The following LUZP2 variants were observed in gnomAD, a reference collection of about 807,000 sequenced individuals.
The protein encoded by LUZP2 is leucine zipper protein 2.
In LUZP2, 52 loss-of-function variants were observed where a neutral mutation model predicts 51.6. That is an observed-to-expected ratio of 1.01 (90% CI 0.81 to 1.27). The LOEUF (loss-of-function observed/expected upper bound fraction) is 1.27. Ranked by LOEUF, LUZP2 falls within the 50% of genes most tolerant of loss-of-function variation. LUZP2 has a pLI of 0.00. For missense variants in LUZP2, 436 were observed against 395.4 expected, an observed-to-expected ratio of 1.10 and a Z score of -0.87; for synonymous variants, 154 against 137.3, an observed-to-expected ratio of 1.12 and a Z score of -0.85.
intron 8 of LUZP2, 131 bp from the exon 9 acceptor site, chr11:24,982,995 A>G (rs1856080481): frequency 1.3e-6 from 1 of 797,392 alleles, no homozygotes; most frequent in Non-Finnish European, 2.0e-6. Context: ...AAATTTATAA[A>G]TTAGGCAATT....
At chr11:24,686,264 G>T (rs1277811873) in intron 1 of LUZP2, among the ~76,000 whole-genome samples, 1 of 150,920 alleles carries the variant, frequency 6.6e-6, no homozygotes, top group Non-Finnish European at 1.5e-5. Context: ...TTTATCATTT[G>T]TAGTGGATTG....
intron 1 of LUZP2, among the ~76,000 whole-genome samples, chr11:24,568,924 T>A (rs1462642916): frequency 6.6e-6 from 1 of 151,986 alleles, no homozygotes; most frequent in Non-Finnish European, 1.5e-5. Flanking sequence ...ATGACAGCCA[T>A]AATTAGAATT....
intron 7 of LUZP2, among the ~76,000 whole-genome samples, chr11:24,946,604 C>T (rs931273524): frequency 6.6e-6 from 1 of 151,738 alleles, no homozygotes; most frequent in Admixed American, 6.6e-5. Context: ...AAATCTTATA[C>T]CTATATAGCT....
chr11:24,617,298 A>T (rs557517540), intron 1 of LUZP2, among the ~76,000 whole-genome samples: 6 of 151,720 alleles, frequency 4.0e-5, no homozygotes, highest in East Asian at 3.9e-4. Flanking sequence ...ATTTTTAGTT[A>T]AAAAAATCCA....
intron 1 of LUZP2, 56 bp downstream of exon 1, chr11:24,497,361 G>C: frequency 7.3e-7 from 1 of 1,369,916 alleles, no homozygotes; most frequent in Non-Finnish European, 9.7e-7. Context: ...GGCGAGGTTG[G>C]TCCTACTGTG....
intron 1 of LUZP2, among the ~76,000 whole-genome samples, chr11:24,592,604 T>C (rs1463990678): frequency 6.6e-6 from 1 of 152,064 alleles, no homozygotes; most frequent in Non-Finnish European, 1.5e-5. Flanking sequence ...TCGAATAGTC[T>C]TCTGAATGCT....
At chr11:24,973,922 G>A (rs1855817299) in intron 7 of LUZP2, among the ~76,000 whole-genome samples, 1 of 152,034 alleles carries the variant, frequency 6.6e-6, no homozygotes, top group Non-Finnish European at 1.5e-5. Context: ...GTTTTTTAAT[G>A]GAGAGTTCTG....
intron 5 of LUZP2, among the ~76,000 whole-genome samples, chr11:24,852,364 C>T (rs1040570617): frequency 1.7e-4 from 26 of 152,124 alleles, no homozygotes; most frequent in African/African-American, 6.3e-4. Context: ...TCATTATTTA[C>T]CCAGTAGTCA....
intron 7 of LUZP2, among the ~76,000 whole-genome samples, chr11:24,945,143 A>G (rs1854863725): frequency 1.3e-5 from 2 of 152,162 alleles, no homozygotes; most frequent in Non-Finnish European, 2.9e-5. Context: ...TGCCAGTTCC[A>G]GAGATTAGCA....
chr11:25,076,642 G>A (rs1228023647), intron 10 of LUZP2, among the ~76,000 whole-genome samples: 1 of 142,286 alleles, frequency 7.0e-6, no homozygotes, highest in African/African-American at 2.6e-5. Flanking sequence ...AAGGGAAAAA[G>A]AGGGAAGGAA....
chr11:24,806,159 G>A (rs987587128), intron 5 of LUZP2, among the ~76,000 whole-genome samples: 6 of 152,186 alleles, frequency 3.9e-5, no homozygotes, highest in African/African-American at 1.2e-4. Flanking sequence ...AGGTTACACT[G>A]CAGGACTTTT....
chr11:24,677,894 G>T (rs974868001), intron 1 of LUZP2, among the ~76,000 whole-genome samples: 1 of 151,910 alleles, frequency 6.6e-6, no homozygotes, highest in Admixed American at 6.6e-5. Flanking sequence ...AAAATTAGCC[G>T]GGCATGGTGG....
chr11:24,566,848 A>G (rs1466524872), intron 1 of LUZP2, among the ~76,000 whole-genome samples: 1 of 144,724 alleles, frequency 6.9e-6, no homozygotes, highest in Non-Finnish European at 1.5e-5. Flanking sequence ...TAAGGTATAT[A>G]TACATATATA....
chr11:24,864,203 C>T (rs1851820149), intron 5 of LUZP2, among the ~76,000 whole-genome samples: 1 of 152,010 alleles, frequency 6.6e-6, no homozygotes, highest in Non-Finnish European at 1.5e-5. Flanking sequence ...TACACTAAGC[C>T]TGATACACAC....
intron 1 of LUZP2, among the ~76,000 whole-genome samples, chr11:24,581,482 C>G (rs1852851658): frequency 6.6e-6 from 1 of 151,856 alleles, no homozygotes; most frequent in Non-Finnish European, 1.5e-5. Flanking sequence ...ATCAGGCTCT[C>G]CAACATGGCG....
At chr11:24,882,779 G>GA (rs1852514396) in intron 5 of LUZP2, among the ~76,000 whole-genome samples, 1 of 37,716 alleles carries the variant, frequency 2.7e-5, no homozygotes, top group South Asian at 1.1e-3. Flanking sequence ...TGCAACGGGA[G>GA]AAGGAAGAAA....
At chr11:24,897,341 T>C (rs545608467) in intron 5 of LUZP2, among the ~76,000 whole-genome samples, 4 of 152,332 alleles carry the variant, frequency 2.6e-5, no homozygotes, top group Admixed American at 6.5e-5. Context: ...GAAGCTTTGT[T>C]GTTTTGCTCT....
chr11:24,801,470 T>C (rs1022266210), intron 5 of LUZP2, among the ~76,000 whole-genome samples: 2 of 152,020 alleles, frequency 1.3e-5, no homozygotes, highest in Non-Finnish European at 2.9e-5. Flanking sequence ...ATGAATACTA[T>C]AATATTATGA....
chr11:25,070,579 G>A (rs1859126961), intron 10 of LUZP2, among the ~76,000 whole-genome samples: 1 of 151,938 alleles, frequency 6.6e-6, no homozygotes, highest in Non-Finnish European at 1.5e-5. Context: ...TGAGAAACAT[G>A]GGGAGCATCT....
Sources: gnomAD v4.1 joint callset for allele counts (sites outside exome capture counted in the v4.1 genomes callset) on GRCh38, gnomAD v4.1.1 for gene constraint, MANE v1.5 for transcripts, NCBI Gene and HGNC (gene_info 2026-07-23, HGNC 2026-07-21) for gene names.